The following MPPED2 variants were observed in gnomAD, a reference collection of about 807,000 sequenced individuals.
MPPED2 encodes metallophosphoesterase MPPED2.
A neutral mutation model predicts 33.0 loss-of-function variants in MPPED2; 5 were observed. That is an observed-to-expected ratio of 0.15 (90% confidence interval 0.08 to 0.32). MPPED2 has a LOEUF of 0.32. Ranked by LOEUF, MPPED2 falls within the 10% of genes least tolerant of loss-of-function variation. MPPED2 has a pLI of 1.00. For missense variants in MPPED2, 275 were observed against 372.1 expected, an observed-to-expected ratio of 0.74 and a Z score of 2.15; for synonymous variants, 136 against 141.9, an observed-to-expected ratio of 0.96 and a Z score of 0.29.
At chr11:30,470,683 T>C (rs1256707037) in intron 4 of MPPED2, among the ~76,000 whole-genome samples, 1 of 152,182 alleles carries the variant, frequency 6.6e-6, no homozygotes, top group Non-Finnish European at 1.5e-5. Flanking sequence ...ATCTGTGCCC[T>C]GAGCTATTTT....
chr11:30,438,698 T>C (rs952248480), intron 4 of MPPED2, among the ~76,000 whole-genome samples: 1 of 152,254 alleles, frequency 6.6e-6, no homozygotes, highest in African/African-American at 2.4e-5. Flanking sequence ...TTCTCGATCC[T>C]ATCTGTACTA....
intron 4 of MPPED2, among the ~76,000 whole-genome samples, chr11:30,459,212 AAAG>A (rs1357886867): frequency 6.6e-6 from 1 of 152,110 alleles, no homozygotes; most frequent in Non-Finnish European, 1.5e-5. Flanking sequence ...TTCTTAAGGT[AAAG>A]GAGTTTTTGT....
At chr11:30,534,078 T>C (rs1954681105) in intron 3 of MPPED2, among the ~76,000 whole-genome samples, 1 of 152,196 alleles carries the variant, frequency 6.6e-6, no homozygotes, top group Admixed American at 6.5e-5. Flanking sequence ...CAAGTAGTAT[T>C]AATCCTTCGT....
rs567231103 is a variant in MPPED2 at position 30,557,459 on chromosome 11, C to A, written c.129-21284G>T. On this transcript the variant is annotated intron_variant, in intron 2 of 6. Transcript: ENST00000358117. ...CTCGAAAGCAGCTATTATGTCAAGG[C>A]AAATTATTAGCTCTCACTATTGTAT... Among the ~76,000 whole-genome samples the A allele has an allele frequency of 1.8e-4, 28 of 152,140 alleles. No individual in the cohort carries two copies. In the South Asian group the frequency reaches 4.8e-3, roughly 26 times the overall value.
At chr11:30,482,757 T>C (rs1951547984) in intron 4 of MPPED2, among the ~76,000 whole-genome samples, 1 of 148,254 alleles carries the variant, frequency 6.7e-6, no homozygotes, top group South Asian at 2.1e-4. Context: ...AAAAATGCAT[T>C]CATAATTATG....
At chr11:30,463,159 C>T (rs564936851) in intron 4 of MPPED2, among the ~76,000 whole-genome samples, 54 of 152,248 alleles carry the variant, frequency 3.5e-4, no homozygotes, top group African/African-American at 1.1e-3. Flanking sequence ...AAGGTTTTCT[C>T]GGCTATCCAC....
At chr11:30,413,373 G>C (rs762124464) in intron 6 of MPPED2, among the ~76,000 whole-genome samples, 2 of 152,200 alleles carry the variant, frequency 1.3e-5, no homozygotes, top group Non-Finnish European at 2.9e-5. Flanking sequence ...GCACACAAGC[G>C]TGTGTAACTG....
chr11:30,547,657 C>T (rs1955494649), intron 2 of MPPED2, among the ~76,000 whole-genome samples: 1 of 152,076 alleles, frequency 6.6e-6, no homozygotes, highest in South Asian at 2.1e-4. Context: ...AAATTATGTC[C>T]AGTGGAGGTT....
Position 30,417,499 on chromosome 11 carries a change from C to A in MPPED2, c.652+19G>T. 2 of 1,445,560 alleles carry A rather than the reference C, an allele frequency of 1.4e-6. No individual in the cohort carries two copies. The highest frequency in any genetic ancestry group is 1.9e-6 in the Non-Finnish European group (2 of 1,029,624). The allele number at this position is 1,445,560 out of a possible 1,614,324, so 89.5% of individuals were successfully genotyped here. Reference sequence around the variant, plus strand: ...AAAAAGGCATCTGGATGACAAAGGACAACCTTTGCTTCACTTACCTAGAGG... The same window carrying A: ...AAAAAGGCATCTGGATGACAAAGGAAAACCTTTGCTTCACTTACCTAGAGG... On this transcript the variant is annotated intron_variant, in intron 5 of 6. Coordinates refer to ENST00000358117, the MANE Select transcript of MPPED2 (RefSeq NM_001584.3).
intron 6 of MPPED2, among the ~76,000 whole-genome samples, chr11:30,395,618 C>G (rs929077820): frequency 2.6e-5 from 4 of 152,138 alleles, no homozygotes; most frequent in African/African-American, 9.7e-5. Flanking sequence ...CAAACATATT[C>G]CTATTTATAC....
At chr11:30,581,623 G>A (rs1275405816) in intron 1 of MPPED2, among the ~76,000 whole-genome samples, 1 of 152,156 alleles carries the variant, frequency 6.6e-6, no homozygotes, top group African/African-American at 2.4e-5. Flanking sequence ...AGAATAATAA[G>A]ATGAGATTTA....
intron 4 of MPPED2, among the ~76,000 whole-genome samples, chr11:30,423,601 T>C (rs555262607): frequency 5.3e-5 from 8 of 152,328 alleles, no homozygotes; most frequent in South Asian, 2.1e-4. Flanking sequence ...GCATGGATTA[T>C]GGAGTCAAAC....
At position 30,557,225 on chromosome 11, in the gene MPPED2, A is replaced by AATATT. The variant is rs1555003740; in HGVS notation, c.129-21051_129-21050insAATAT. 1.4e-5 allele frequency among the ~76,000 whole-genome samples: 2 copies of AATATT among 141,702 alleles called. 1 individual carries two copies. The highest frequency in any genetic ancestry group is 6.3e-5 in the African/African-American group (2 of 31,772). The allele number at this position is 141,702 out of a possible 152,430, so 93.0% of individuals were successfully genotyped here. On this transcript the variant is annotated intron_variant, in intron 2 of 6. Transcript: ENST00000358117. ...CCAAATAAGCAAATTATATATATAT[A>AATATT]ATATATATATCAAAACTCTGAAACA...
At chr11:30,539,414 T>G (rs1236877413) in intron 2 of MPPED2, among the ~76,000 whole-genome samples, 1 of 152,086 alleles carries the variant, frequency 6.6e-6, no homozygotes, top group African/African-American at 2.4e-5. Context: ...TAGAGTGATA[T>G]TTGCACATAT....
intron 4 of MPPED2, among the ~76,000 whole-genome samples, chr11:30,483,971 T>A (rs1234870188): frequency 6.6e-6 from 1 of 152,208 alleles, no homozygotes; most frequent in Non-Finnish European, 1.5e-5. Flanking sequence ...ATTTTGTACA[T>A]AATGTATAAA....
At chr11:30,424,700 A>G (rs964343919) in intron 4 of MPPED2, among the ~76,000 whole-genome samples, 1 of 151,898 alleles carries the variant, frequency 6.6e-6, no homozygotes, top group Non-Finnish European at 1.5e-5. Context: ...TTCCCTTCTT[A>G]GCTCTGGATT....
At chr11:30,568,431 A>G (rs905748908) in intron 2 of MPPED2, among the ~76,000 whole-genome samples, 11 of 152,092 alleles carry the variant, frequency 7.2e-5, no homozygotes, top group Non-Finnish European at 1.5e-4. Flanking sequence ...GTTAAGCTCA[A>G]CCATGGTTCC....
chr11:30,486,813 G>A (rs1457902769), intron 4 of MPPED2, among the ~76,000 whole-genome samples: 1 of 152,172 alleles, frequency 6.6e-6, no homozygotes, highest in Non-Finnish European at 1.5e-5. Flanking sequence ...TAAAGCCCAT[G>A]GACATCATTT....
At chr11:30,468,285 A>G (rs1056760362) in intron 4 of MPPED2, among the ~76,000 whole-genome samples, 4 of 149,964 alleles carry the variant, frequency 2.7e-5, no homozygotes, top group African/African-American at 1.0e-4. Context: ...CTCTCTTTCA[A>G]TATGCATGCA....
Sources: gnomAD v4.1 joint callset for allele counts (sites outside exome capture counted in the v4.1 genomes callset) on GRCh38, gnomAD v4.1.1 for gene constraint, MANE v1.5 for transcripts, NCBI Gene and HGNC (gene_info 2026-07-23, HGNC 2026-07-21) for gene names.